The following NTM variants were observed in gnomAD, a reference collection of about 807,000 sequenced individuals.
NTM encodes the protein neurotrimin, also known as IgLON family member 2.
A neutral mutation model predicts 42.1 loss-of-function variants in NTM; 13 were observed. The observed-to-expected ratio is 0.31, with a 90% CI of 0.20 to 0.49. NTM has a LOEUF of 0.49. NTM is among the 20% of genes least tolerant of loss of function. NTM has a pLI of 0.99. For missense variants in NTM, 373 were observed against 452.8 expected (o/e 0.82, Z 1.60); for synonymous variants, 187 against 179.2 (o/e 1.04, Z -0.35).
chr11:131,828,953 T>C (rs1369274479), intron 1 of NTM, among the ~76,000 whole-genome samples: 2 of 151,866 alleles, frequency 1.3e-5, no homozygotes, highest in Non-Finnish European at 2.9e-5. Flanking sequence ...TCTCTCTCTC[T>C]TCCTCTCCCT....
intron 1 of NTM, among the ~76,000 whole-genome samples, chr11:131,388,249 C>T (rs977167726): frequency 2.0e-5 from 3 of 151,924 alleles, no homozygotes; most frequent in Admixed American, 6.6e-5. Context: ...GTGTGTAAGC[C>T]GTATAAATAT....
chr11:131,648,030 C>T (rs551002567), intron 1 of NTM, among the ~76,000 whole-genome samples: 44 of 152,236 alleles, frequency 2.9e-4, no homozygotes, highest in Admixed American at 2.4e-3. Flanking sequence ...CCTGATAGGT[C>T]CCAGTGTCTG....
At chr11:132,187,908 T>C (rs960177694) in intron 3 of NTM, among the ~76,000 whole-genome samples, 2 of 152,158 alleles carry the variant, frequency 1.3e-5, no homozygotes, top group African/African-American at 4.8e-5. Context: ...TTCCAAAGAA[T>C]TGCAATCTGT....
intron 2 of NTM, among the ~76,000 whole-genome samples, chr11:132,035,853 T>G (rs1461677970): frequency 6.6e-6 from 1 of 152,144 alleles, no homozygotes; most frequent in Non-Finnish European, 1.5e-5. Context: ...AATCCCAGAT[T>G]TCAGCCTGTC....
At chr11:131,557,104 TC>T (rs2136962715) in intron 1 of NTM, among the ~76,000 whole-genome samples, 1 of 152,170 alleles carries the variant, frequency 6.6e-6, no homozygotes, top group African/African-American at 2.4e-5. Context: ...GGCAGGCGAT[TC>T]CAGTATTTTA....
intron 1 of NTM, among the ~76,000 whole-genome samples, chr11:131,649,224 G>C (rs778043966): frequency 1.1e-4 from 17 of 152,184 alleles, no homozygotes; most frequent in Non-Finnish European, 2.4e-4. Context: ...ACTGTGCGTG[G>C]CACCCATGAA....
chr11:131,462,372 G>A (rs1951461678), intron 1 of NTM, among the ~76,000 whole-genome samples: 1 of 152,100 alleles, frequency 6.6e-6, no homozygotes, highest in South Asian at 2.1e-4. Flanking sequence ...CACTCAAAAT[G>A]GTGACTTTTA....
intron 1 of NTM, among the ~76,000 whole-genome samples, chr11:131,824,171 G>C (rs143098538): frequency 2.0e-5 from 3 of 152,300 alleles, no homozygotes; most frequent in Non-Finnish European, 4.4e-5. Context: ...AAGAGGAAAA[G>C]TTAGTGGGCA....
At chr11:131,914,143 C>A (rs1027391506) in intron 2 of NTM, among the ~76,000 whole-genome samples, 1 of 152,158 alleles carries the variant, frequency 6.6e-6, no homozygotes, top group African/African-American at 2.4e-5. Context: ...AATTTCAGAA[C>A]GTATTTTGTT....
chr11:131,559,066 T>A (rs2136980354), intron 1 of NTM, among the ~76,000 whole-genome samples: 1 of 152,328 alleles, frequency 6.6e-6, no homozygotes, highest in African/African-American at 2.4e-5. Context: ...AAATTCAATA[T>A]CGAATTGAAG....
intron 2 of NTM, among the ~76,000 whole-genome samples, chr11:132,055,006 A>G (rs1454059244): frequency 6.6e-6 from 1 of 152,218 alleles, no homozygotes; most frequent in African/African-American, 2.4e-5. Flanking sequence ...GTGAGGTTGC[A>G]GTAGGAAGTG....
At chr11:131,990,572 A>T (rs2066844376) in intron 2 of NTM, among the ~76,000 whole-genome samples, 1 of 151,960 alleles carries the variant, frequency 6.6e-6, no homozygotes, top group Non-Finnish European at 1.5e-5. Context: ...TCAGTCTTAC[A>T]CAAAACCTTA....
intron 2 of NTM, among the ~76,000 whole-genome samples, chr11:131,986,343 A>C (rs1299882172): frequency 6.6e-6 from 1 of 152,208 alleles, no homozygotes; most frequent in Non-Finnish European, 1.5e-5. Flanking sequence ...GCCTTTAAAC[A>C]TCCTTTGCAC....
intron 1 of NTM, among the ~76,000 whole-genome samples, chr11:131,835,390 ACCT>A (rs2043358810): frequency 6.6e-6 from 1 of 152,114 alleles, no homozygotes; most frequent in African/African-American, 2.4e-5. Context: ...ATGGATAAAC[ACCT>A]CCTACAAATA....
At chr11:131,933,165 A>G (rs1592980190) in intron 2 of NTM, among the ~76,000 whole-genome samples, 2 of 152,312 alleles carry the variant, frequency 1.3e-5, no homozygotes, top group East Asian at 3.9e-4. Flanking sequence ...GCTGGCAGTG[A>G]CGCTGTTTCT....
chr11:132,123,579 G>C (rs1048697017), intron 2 of NTM, among the ~76,000 whole-genome samples: 5 of 152,188 alleles, frequency 3.3e-5, no homozygotes, highest in Admixed American at 6.5e-5. Flanking sequence ...TTTTCGGCGA[G>C]AGCTAGGGAA....
chr11:131,653,134 A>T (rs1196620168), intron 1 of NTM, among the ~76,000 whole-genome samples: 1 of 152,200 alleles, frequency 6.6e-6, no homozygotes, highest in African/African-American at 2.4e-5. Flanking sequence ...TGGACCACAG[A>T]GCCAGCTCCA....
At chr11:131,435,630 T>A (rs1205512852) in intron 1 of NTM, among the ~76,000 whole-genome samples, 10 of 152,238 alleles carry the variant, frequency 6.6e-5, no homozygotes, top group Admixed American at 3.3e-4. Flanking sequence ...TTTTGCACAT[T>A]GATTTTGTAT....
At chr11:132,119,182 G>A (rs1799151974) in intron 2 of NTM, among the ~76,000 whole-genome samples, 2 of 152,198 alleles carry the variant, frequency 1.3e-5, no homozygotes, top group African/African-American at 4.8e-5. Context: ...TAGCTCCCCA[G>A]GGCTGTAGCT....
Sources: gnomAD v4.1 joint callset for allele counts (sites outside exome capture counted in the v4.1 genomes callset) on GRCh38, gnomAD v4.1.1 for gene constraint, MANE v1.5 for transcripts, NCBI Gene and HGNC (gene_info 2026-07-23, HGNC 2026-07-21) for gene names.